MARF1: variants seen among roughly 807,000 people sequenced by gnomAD.
The protein encoded by MARF1 is meiosis regulator and mRNA stability factor 1.
A neutral mutation model predicts 168.2 loss-of-function variants in MARF1; 24 were observed. The ratio of observed to expected loss-of-function variants is 0.14; its 90% CI spans 0.10 to 0.20. The LOEUF (loss-of-function observed/expected upper bound fraction) is 0.20. MARF1 is among the 10% of genes least tolerant of loss of function. The pLI, the probability that MARF1 is intolerant of heterozygous loss-of-function variation, is 1.00. For missense variants in MARF1, 1,744 were observed against 2,143.6 expected (o/e 0.81, Z 3.68); for synonymous variants, 868 against 822.4 (o/e 1.06, Z -0.95).
At chr16:15,612,489 A>G in intron 17 of MARF1, 68 bp downstream of exon 17, 3 of 1,354,686 alleles carry the variant, frequency 2.2e-6, no homozygotes, top group Non-Finnish European at 3.2e-6. Flanking sequence ...TGTTTCTTTG[A>G]TGGAGGCAGC....
intron 5 of MARF1, among the ~76,000 whole-genome samples, chr16:15,631,756 C>A (rs1053457410): frequency 3.3e-5 from 5 of 152,070 alleles, no homozygotes; most frequent in African/African-American, 1.2e-4. Context: ...CCCCCAACCC[C>A]GACAGACAGA....
Position 15,635,662 on chromosome 16 carries a change from T to G in MARF1, c.825A>C (p.Leu275=). Residue 275 remains leucine, a synonymous_variant, in exon 3 of 27, where the codon CTA becomes CTC. Transcript: ENST00000396368. The part of the protein sequence containing the change: ...LKGSLYCEDC[L]NKPARNSIID... ...GAAATAAAAAGATACGAACCTTGTT[T>G]AGACAGTCTTCGCAGTAAAGTGAGC... is the stretch of plus-strand genomic sequence containing the variant. 1 of 1,613,474 alleles carries G rather than the reference T, an allele frequency of 6.2e-7. No individual in the cohort carries two copies. The highest frequency in any genetic ancestry group is 1.7e-5 in the Admixed American group (1 of 60,008).
At chr16:15,626,340 T>A (rs1459343148) in intron 7 of MARF1, among the ~76,000 whole-genome samples, 1 of 152,182 alleles carries the variant, frequency 6.6e-6, no homozygotes, top group Non-Finnish European at 1.5e-5. Context: ...CTAAAAATTA[T>A]TGTACACTTA....
intron 17 of MARF1, among the ~76,000 whole-genome samples, chr16:15,612,317 C>CTTAG (rs1290316152): frequency 6.6e-6 from 1 of 152,190 alleles, no homozygotes; most frequent in African/African-American, 2.4e-5. Context: ...GTCTATAGAG[C>CTTAG]TTAGAGGGAA....
intron 18 of MARF1, 93 bp from the exon 19 acceptor site, chr16:15,611,201 G>A (rs2033505535): frequency 2.4e-6 from 3 of 1,254,368 alleles, no homozygotes; most frequent in Non-Finnish European, 2.3e-6. Context: ...GCTCACGCCT[G>A]TAATCCCAGC....
At chr16:15,609,921 C>T (rs1376113057) in intron 19 of MARF1, among the ~76,000 whole-genome samples, 196 bp from the exon 20 acceptor site, 1 of 152,084 alleles carries the variant, frequency 6.6e-6, no homozygotes, top group Non-Finnish European at 1.5e-5. Flanking sequence ...GGGCAGAACA[C>T]CAGGAAGTTA....
chr16:15,616,377 G>A (rs1230017428), intron 15 of MARF1, among the ~76,000 whole-genome samples: 1 of 152,176 alleles, frequency 6.6e-6, no homozygotes, highest in Non-Finnish European at 1.5e-5. Context: ...AACTTCTGAA[G>A]AATACTTTTC....
chr16:15,611,469 A>G, intron 18 of MARF1, 123 bp downstream of exon 18: 1 of 913,108 alleles, frequency 1.1e-6, no homozygotes, highest in Non-Finnish European at 1.6e-6. Context: ...AAAAAAACAA[A>G]AAACTACTAC....
intron 25 of MARF1, chr16:15,599,284 A>C: frequency 2.0e-6 from 1 of 504,958 alleles, no homozygotes; most frequent in South Asian, 2.7e-5. Flanking sequence ...CAAAAGACCC[A>C]ACCAGAGAAA....
chr16:15,610,868 T>A (rs2033471373), intron 19 of MARF1, 107 bp downstream of exon 19: 1 of 1,076,208 alleles, frequency 9.3e-7, no homozygotes, highest in Non-Finnish European at 1.4e-6. Context: ...TTCTGTGGAA[T>A]CTTCAGGAAG....
In MARF1 at chr16:15,623,274, C is replaced by CTTTTTTT. The variant is rs71375044; in HGVS notation, c.2271-158_2271-152dup. On this transcript the variant is annotated intron_variant, in intron 10 of 26. Coordinates refer to ENST00000396368, the MANE Select transcript of MARF1 (RefSeq NM_014647.4). ...TTTGGTTTTCAAATGTGTTTTTAAT[C>CTTTTTTT]TTTTTTTTTTTTTTTTTTTTTTTGA... The CTTTTTTT allele has an allele frequency of 5.9e-4, 70 of 119,192 alleles. 1 individual carries two copies. Among genetic ancestry groups the CTTTTTTT allele is most frequent in the African/African-American group, 8.3e-4 (19 of 22,872 alleles). 7.4% of individuals were successfully genotyped at this position (119,192 alleles called of 1,614,324 possible).
chr16:15,616,971 G>A (rs557956668), intron 15 of MARF1, 81 bp downstream of exon 15: 1 of 1,498,522 alleles, frequency 6.7e-7, no homozygotes, highest in African/African-American at 1.4e-5. Flanking sequence ...TATTTGTAAA[G>A]AGATGTGGGC....
At chr16:15,634,157 A>AC (rs2035432461) in intron 4 of MARF1, among the ~76,000 whole-genome samples, 1 of 152,184 alleles carries the variant, frequency 6.6e-6, no homozygotes, top group African/African-American at 2.4e-5. Flanking sequence ...GAACACAAGC[A>AC]CACTAACTGA....
chr16:15,605,205 C>T (rs1050796023), intron 21 of MARF1, among the ~76,000 whole-genome samples: 4 of 152,320 alleles, frequency 2.6e-5, no homozygotes, highest in African/African-American at 4.8e-5. Context: ...GGCTCCGGCA[C>T]TGCTCTCACA....
In MARF1 at chr16:15,624,902, C is replaced by A; in HGVS notation, c.2137G>T (p.Val713Phe). The A allele has an allele frequency of 6.2e-7, 1 of 1,614,146 alleles. No individual in the cohort carries two copies. Residue 713 changes from valine (V) to phenylalanine (F), a missense_variant, in exon 10 of 27, where the codon GTT becomes TTT. Transcript: ENST00000396368. ...TTTTTCTCTACAGGAGAACTGGTAA[C>A]ACTTCGGGCACTGAGGTTCTCCTTT... ...QKKENLSARS[V>F]TSSPVEKKDK...
intron 19 of MARF1, 98 bp from the exon 20 acceptor site, chr16:15,609,823 G>A (rs1171767488): frequency 8.2e-6 from 8 of 980,750 alleles, no homozygotes; most frequent in Admixed American, 2.4e-5. Flanking sequence ...ATTTATAAAC[G>A]ATATCATCCT....
At chr16:15,606,757 T>C (rs576298683) in intron 21 of MARF1, among the ~76,000 whole-genome samples, 1 of 152,244 alleles carries the variant, frequency 6.6e-6, no homozygotes, top group African/African-American at 2.4e-5. Flanking sequence ...TGTATGTTCA[T>C]CTTCTCTCTC....
chr16:15,627,838 T>A (rs996126020), intron 7 of MARF1, among the ~76,000 whole-genome samples: 3 of 152,224 alleles, frequency 2.0e-5, no homozygotes, highest in African/African-American at 7.2e-5. Context: ...TATAAGATGA[T>A]GCTGTTTTTC....
chr16:15,624,728 T>C (rs1200843756), intron 10 of MARF1, 41 bp downstream of exon 10: 5 of 1,571,280 alleles, frequency 3.2e-6, no homozygotes, highest in African/African-American at 1.4e-5. Context: ...ATCCTTCCTA[T>C]TACATGTAAC....
Sources: allele counts gnomAD v4.1 joint callset (sites outside exome capture counted in the v4.1 genomes callset), GRCh38; gene constraint gnomAD v4.1.1; transcripts MANE v1.5; gene names NCBI Gene and HGNC (gene_info 2026-07-23, HGNC 2026-07-21).